Variants in COL25A1 observed in about 807,000 individuals in gnomAD.
The protein encoded by COL25A1 is collagen type XXV alpha 1 chain, also known as collagen alpha-1(XXV) chain.
COL25A1 carries 103 observed loss-of-function variants against 128.4 expected under a neutral mutation model. The observed-to-expected ratio is 0.80, with a 90% CI of 0.68 to 0.94. The LOEUF (loss-of-function observed/expected upper bound fraction) is 0.94, where lower values mean the gene tolerates loss of function less well. Ranked by LOEUF, COL25A1 falls within the 40% of genes least tolerant of loss-of-function variation. COL25A1 has a pLI of 0.00. For missense variants in COL25A1, 745 were observed against 840.0 expected, an observed-to-expected ratio of 0.89 and a Z score of 1.40; for synonymous variants, 279 against 277.2, an observed-to-expected ratio of 1.01 and a Z score of -0.06.
chr4:109,000,013 G>A (rs889117212), intron 6 of COL25A1, among the ~76,000 whole-genome samples: 27 of 152,200 alleles, frequency 1.8e-4, no homozygotes, highest in Admixed American at 7.2e-4. Context: ...AATACCTAAT[G>A]TAAATGACAA....
At chr4:108,841,623 A>G (rs1278984465) in intron 31 of COL25A1, 72 bp downstream of exon 31, 5 of 1,214,602 alleles carry the variant, frequency 4.1e-6, no homozygotes, top group Non-Finnish European at 6.1e-6. Context: ...TAGGACAGAC[A>G]TGCTTCTGTC....
chr4:108,951,079 A>C (rs905847452), intron 8 of COL25A1, among the ~76,000 whole-genome samples: 1 of 152,192 alleles, frequency 6.6e-6, no homozygotes, highest in African/African-American at 2.4e-5. Flanking sequence ...AGGAGAAGGA[A>C]CACTCAGGAA....
intron 5 of COL25A1, among the ~76,000 whole-genome samples, chr4:109,013,956 C>A (rs188958660): frequency 2.6e-5 from 4 of 152,294 alleles, no homozygotes; most frequent in Admixed American, 2.6e-4. Flanking sequence ...CCCACCAACC[C>A]CCCTCAGCTT....
intron 5 of COL25A1, among the ~76,000 whole-genome samples, chr4:109,011,924 AGAAGCCAGTTCAGC>A (rs1756630563): frequency 6.6e-6 from 1 of 152,256 alleles, no homozygotes; most frequent in Admixed American, 6.5e-5. Flanking sequence ...ATACGTATAC[AGAAGCCAGTTCAGC>A]AAAGCTTCTT....
At chr4:108,988,083 G>C (rs949400999) in intron 6 of COL25A1, among the ~76,000 whole-genome samples, 1 of 152,158 alleles carries the variant, frequency 6.6e-6, no homozygotes, top group East Asian at 1.9e-4. Context: ...ATACTACCAC[G>C]TGACCTTTGG....
In COL25A1 at chr4:108,893,419, A is replaced by G. The variant is rs181877213; in HGVS notation, c.906+3248T>C. ...CCAAAGAGTGGGACATAATCCTTCA[A>G]TAGTAACTCTACGCATGACTGAACT... is the stretch of plus-strand genomic sequence containing the variant. On this transcript the variant is annotated intron_variant, in intron 16 of 37. Coordinates refer to ENST00000399132, the MANE Select transcript of COL25A1 (RefSeq NM_198721.4). Among the ~76,000 whole-genome samples, 266 of 152,308 alleles carry G rather than the reference A, an allele frequency of 1.7e-3. 2 individuals are homozygous for G. Among genetic ancestry groups the G allele is most frequent in the African/African-American group, 5.8e-3 (240 of 41,550 alleles).
intron 5 of COL25A1, among the ~76,000 whole-genome samples, chr4:109,036,493 TTAGAGGCTTAACTTTAATATGCAAAG>T (rs1478097683): frequency 6.6e-6 from 1 of 152,154 alleles, no homozygotes; most frequent in African/African-American, 2.4e-5. Context: ...GATTCAATGA[TTAGAGGCTTAACTTTAATATGCAAAG>T]TAGAGGGTTG....
intron 5 of COL25A1, among the ~76,000 whole-genome samples, chr4:109,015,199 C>G (rs1356429376): frequency 6.6e-6 from 1 of 152,194 alleles, no homozygotes; most frequent in African/African-American, 2.4e-5. Flanking sequence ...AAAGAAACAC[C>G]TCAGCATTTC....
intron 13 of COL25A1, among the ~76,000 whole-genome samples, chr4:108,902,647 C>G (rs192584018): frequency 6.6e-6 from 1 of 151,742 alleles, no homozygotes; most frequent in South Asian, 2.1e-4. Flanking sequence ...TCTAGAATAG[C>G]GAAAAGTATT....
chr4:108,955,111 T>C (rs1560927329), intron 8 of COL25A1, among the ~76,000 whole-genome samples: 2 of 152,072 alleles, frequency 1.3e-5, no homozygotes, highest in Non-Finnish European at 2.9e-5. Context: ...ACAAGGTGTA[T>C]GTCTGTCATG....
At chr4:108,985,079 T>C (rs1444258950) in intron 6 of COL25A1, among the ~76,000 whole-genome samples, 1 of 152,212 alleles carries the variant, frequency 6.6e-6, no homozygotes, top group Non-Finnish European at 1.5e-5. Flanking sequence ...CCATTCTCCT[T>C]CTTCCAATGT....
chr4:109,275,343 G>A (rs143146523), intron 3 of COL25A1, among the ~76,000 whole-genome samples: 2 of 152,146 alleles, frequency 1.3e-5, no homozygotes, highest in African/African-American at 4.8e-5. Flanking sequence ...CTTCAACCCT[G>A]ACACTAAACA....
chr4:108,846,401 T>A (rs1205139621), intron 27 of COL25A1, among the ~76,000 whole-genome samples, 182 bp from the exon 28 acceptor site: 1 of 152,222 alleles, frequency 6.6e-6, no homozygotes, highest in Non-Finnish European at 1.5e-5. Flanking sequence ...ATCAGTACTA[T>A]TTCTCCTTGT....
In COL25A1 at chr4:109,054,088, G is replaced by T. The variant is rs940569361; in HGVS notation, c.368-3909C>A. Reference sequence around the variant, plus strand: ...TAATGAATATACAGACACACACTAGGTGTTCAATAAACATTAGCTCCCACT... The same window carrying T: ...TAATGAATATACAGACACACACTAGTTGTTCAATAAACATTAGCTCCCACT... On this transcript the variant is annotated intron_variant, in intron 3 of 37. Coordinates refer to ENST00000399132, the MANE Select transcript of COL25A1 (RefSeq NM_198721.4). Among the ~76,000 whole-genome samples the T allele has an allele frequency of 2.6e-5, 4 of 152,260 alleles. No individual in the cohort carries two copies. In the East Asian group the frequency reaches 7.7e-4, roughly 29 times the overall value.
chr4:109,074,192 G>T (rs1305306841), intron 3 of COL25A1, among the ~76,000 whole-genome samples: 1 of 152,168 alleles, frequency 6.6e-6, no homozygotes, highest in Non-Finnish European at 1.5e-5. Context: ...GTGACAGGAG[G>T]TGGGGCTCAG....
At position 108,862,488 on chromosome 4, in the gene COL25A1, T is replaced by C. The variant is rs1454611746; in HGVS notation, c.1197+13A>G. 1.2e-6 allele frequency: 2 copies of C among 1,602,372 alleles called. No homozygotes were observed. The highest frequency in any genetic ancestry group is 1.7e-5 in the Admixed American group (1 of 59,992). On this transcript the variant is annotated intron_variant, in intron 22 of 37. Coordinates refer to ENST00000399132, the MANE Select transcript of COL25A1 (RefSeq NM_198721.4). ...GCCTCATGTTATATTTAAATGGTTATCTGGTTACTGACCTTTGACCCCTTT... is the reference window on the plus strand; with the variant it reads ...GCCTCATGTTATATTTAAATGGTTACCTGGTTACTGACCTTTGACCCCTTT...
chr4:108,961,552 C>T (rs1055393185), intron 8 of COL25A1, among the ~76,000 whole-genome samples: 2 of 111,266 alleles, frequency 1.8e-5, no homozygotes, highest in African/African-American at 6.7e-5. Flanking sequence ...AACTAAGGCA[C>T]ATCTCAGAAG....
intron 5 of COL25A1, among the ~76,000 whole-genome samples, chr4:109,018,035 A>G (rs1349260299): frequency 6.6e-6 from 1 of 152,022 alleles, no homozygotes; most frequent in Non-Finnish European, 1.5e-5. Context: ...CTGAGATGTC[A>G]AGCTTATTTT....
intron 3 of COL25A1, among the ~76,000 whole-genome samples, chr4:109,057,626 G>A (rs144475663): frequency 2.0e-4 from 30 of 151,752 alleles, no homozygotes; most frequent in African/African-American, 7.0e-4. Flanking sequence ...CCATTAAGAT[G>A]TTTTAAGTAA....
Sources: gnomAD v4.1 joint callset for allele counts (sites outside exome capture counted in the v4.1 genomes callset) on GRCh38, gnomAD v4.1.1 for gene constraint, MANE v1.5 for transcripts, NCBI Gene and HGNC (gene_info 2026-07-23, HGNC 2026-07-21) for gene names.